NRG1: variants seen among roughly 807,000 people sequenced by gnomAD.
NRG1 encodes the protein neuregulin 1.
A neutral mutation model predicts 63.8 loss-of-function variants in NRG1; 18 were observed. The ratio of observed to expected loss-of-function variants is 0.28; its 90% CI spans 0.19 to 0.42. NRG1 has a LOEUF of 0.42. Among genes scored for constraint, NRG1 ranks in the 10% least tolerant of loss-of-function variants. NRG1 has a pLI of 1.00. For synonymous variants in NRG1, 302 were observed against 301.3 expected (o/e 1.00, Z -0.02); for missense variants, 762 against 814.7 (o/e 0.94, Z 0.79).
rs141716379 is a variant in NRG1 at position 32,460,837 on chromosome 8, T to C, written c.38-134991T>C. On this transcript the variant is annotated intron_variant, in intron 1 of 10. Coordinates refer to the NRG1 transcript ENST00000519301. ...TCTTTTGCCTCTACTTTAAGACTTA[T>C]CTAAGAAATAAAGAAAAGCCAACCA... Among the ~76,000 whole-genome samples the C allele has an allele frequency of 2.6e-3, 401 of 152,196 alleles. 4 individuals carry two copies. Among genetic ancestry groups the C allele is most frequent in the African/African-American group, 9.1e-3 (380 of 41,532 alleles).
intron 1 of NRG1, among the ~76,000 whole-genome samples, chr8:31,831,757 A>G (rs1184411881): frequency 6.6e-6 from 1 of 152,096 alleles, no homozygotes; most frequent in Non-Finnish European, 1.5e-5. Flanking sequence ...TCCCACAAGC[A>G]AGTTTCATCT....
chr8:31,756,720 A>G (rs1817001027), intron 1 of NRG1, among the ~76,000 whole-genome samples: 1 of 152,126 alleles, frequency 6.6e-6, no homozygotes, highest in Non-Finnish European at 1.5e-5. Flanking sequence ...CAAAAATGTT[A>G]CTGCTTCAAA....
intron 1 of NRG1, among the ~76,000 whole-genome samples, chr8:32,489,129 A>G (rs953195011): frequency 6.6e-6 from 1 of 152,156 alleles, no homozygotes; most frequent in Non-Finnish European, 1.5e-5. Flanking sequence ...CCAGCACTTC[A>G]CATCCCTTTT....
intron 1 of NRG1, among the ~76,000 whole-genome samples, chr8:32,179,236 A>G (rs944868713): frequency 1.3e-5 from 2 of 148,678 alleles, no homozygotes; most frequent in Admixed American, 1.4e-4. Context: ...GCCTATATCC[A>G]GTAGAATTGG....
At chr8:32,737,821 C>A (rs529725831) in intron 6 of NRG1, among the ~76,000 whole-genome samples, 70 of 151,786 alleles carry the variant, frequency 4.6e-4, no homozygotes, top group African/African-American at 1.7e-3. Flanking sequence ...GGATTACAGG[C>A]GCCCACCACC....
At chr8:31,673,026 C>T (rs1807318005) in intron 1 of NRG1, among the ~76,000 whole-genome samples, 1 of 150,500 alleles carries the variant, frequency 6.6e-6, no homozygotes. Context: ...TGGAGTGCAA[C>T]ATTCTTGTCT....
At chr8:31,978,866 TG>T (rs1808621558) in intron 1 of NRG1, among the ~76,000 whole-genome samples, 1 of 152,180 alleles carries the variant, frequency 6.6e-6, no homozygotes, top group African/African-American at 2.4e-5. Context: ...TCAAATTTCA[TG>T]GTGCCTGTCT....
chr8:31,962,207 T>A (rs369530101), intron 1 of NRG1, among the ~76,000 whole-genome samples: 2 of 152,166 alleles, frequency 1.3e-5, no homozygotes, highest in South Asian at 4.1e-4. Flanking sequence ...TACCTATTAC[T>A]AACAGGGTCA....
intron 1 of NRG1, among the ~76,000 whole-genome samples, chr8:31,853,300 G>A (rs1827462200): frequency 6.6e-6 from 1 of 151,240 alleles, no homozygotes; most frequent in South Asian, 2.1e-4. Flanking sequence ...GCAGTGGTTT[G>A]TAGTTCTCCT....
intron 6 of NRG1, among the ~76,000 whole-genome samples, chr8:32,731,265 C>G (rs980903540): frequency 5.9e-5 from 9 of 152,140 alleles, no homozygotes; most frequent in Non-Finnish European, 1.3e-4. Flanking sequence ...TAAGCCTAAT[C>G]CAGTAGTAAA....
intron 1 of NRG1, among the ~76,000 whole-genome samples, chr8:31,852,440 A>C (rs975623314): frequency 6.6e-6 from 1 of 152,092 alleles, no homozygotes; most frequent in Non-Finnish European, 1.5e-5. Flanking sequence ...TCCTACGCCC[A>C]CTTCTTGATG....
chr8:32,065,075 A>G (rs1824527859), intron 1 of NRG1, among the ~76,000 whole-genome samples: 1 of 152,020 alleles, frequency 6.6e-6, no homozygotes, highest in South Asian at 2.1e-4. Flanking sequence ...TTTAAAAAAT[A>G]TGAAAATGCA....
intron 1 of NRG1, among the ~76,000 whole-genome samples, chr8:31,804,487 A>G (rs1489080340): frequency 6.6e-6 from 1 of 152,044 alleles, no homozygotes; most frequent in African/African-American, 2.4e-5. Flanking sequence ...TCTGGCCAGG[A>G]CCCCTCTTTT....
intron 3 of NRG1, among the ~76,000 whole-genome samples, chr8:32,607,433 C>G (rs1845459302): frequency 6.6e-6 from 1 of 151,970 alleles, no homozygotes; most frequent in Non-Finnish European, 1.5e-5. Context: ...CACAAAGTCC[C>G]AGGAAAATAA....
chr8:32,608,713 C>T lies in NRG1; in HGVS notation c.400+3030C>T, dbSNP rs536583225. ...AGCAATGCGAGTTTGTGGCTTTTCTCTCTGGTGTTTCTACCTTTAATATGC... is the reference window on the plus strand; with the variant it reads ...AGCAATGCGAGTTTGTGGCTTTTCTTTCTGGTGTTTCTACCTTTAATATGC... On this transcript the variant is annotated intron_variant, in intron 3 of 11. Transcript: ENST00000356819. Among the ~76,000 whole-genome samples the T allele has an allele frequency of 3.3e-5, 5 of 152,124 alleles. No individual in the cohort carries two copies. In the East Asian group the frequency reaches 5.8e-4, roughly 18 times the overall value.
chr8:32,508,353 C>T (rs746698903), intron 1 of NRG1, among the ~76,000 whole-genome samples: 15 of 150,986 alleles, frequency 9.9e-5, no homozygotes, highest in African/African-American at 3.2e-4. Context: ...TGTAGTGGTG[C>T]GATCGCTGCT....
intron 1 of NRG1, among the ~76,000 whole-genome samples, chr8:32,381,133 T>G (rs1404674818): frequency 1.3e-5 from 2 of 152,146 alleles, no homozygotes; most frequent in Non-Finnish European, 2.9e-5. Flanking sequence ...CTACACATGG[T>G]CTCCTAACTT....
chr8:32,742,177 C>G lies in NRG1; in HGVS notation c.633-498C>G. 1 of 939,436 alleles carries G rather than the reference C, an allele frequency of 1.1e-6. No homozygotes were observed. The highest frequency in any genetic ancestry group is 1.7e-6 in the Non-Finnish European group (1 of 588,832). 58.2% of individuals were successfully genotyped at this position (939,436 alleles called of 1,614,324 possible). A position where few individuals can be genotyped will look rare whatever the true frequency, so the allele number is the denominator to read the frequency against. ...TCAGTCGTAACTGATTCATTTTGTT[C>G]TAATTATGGCTTAACCTCTCAAGGC... On this transcript the variant is annotated intron_variant, in intron 6 of 11. Transcript: ENST00000356819. This position sits in a 1 kb window ranked among gnomAD's most constrained non-coding sequence, Gnocchi z 4.2.
At chr8:32,281,690 G>A (rs138698382) in intron 1 of NRG1, among the ~76,000 whole-genome samples, 1 of 152,232 alleles carries the variant, frequency 6.6e-6, no homozygotes, top group Non-Finnish European at 1.5e-5. Flanking sequence ...ATTAAAAAAG[G>A]TTAAGATGAG....
Sources: gnomAD v4.1 joint callset for allele counts (sites outside exome capture counted in the v4.1 genomes callset) on GRCh38, gnomAD v4.1.1 for gene constraint, Gnocchi (gnomAD v3.1) non-coding constraint, MANE v1.5 for transcripts, NCBI Gene and HGNC (gene_info 2026-07-23, HGNC 2026-07-21) for gene names.